Variants in CAPN2 observed in about 807,000 individuals in gnomAD.
CAPN2 encodes the protein calpain 2.
In CAPN2, 92 loss-of-function variants were observed where a neutral mutation model predicts 102.3. That is an observed-to-expected ratio of 0.90 (90% CI 0.76 to 1.07). CAPN2 has a LOEUF of 1.07. Ranked by LOEUF, CAPN2 falls within the 50% of genes least tolerant of loss-of-function variation. CAPN2 has a pLI of 0.00. For synonymous variants in CAPN2, 340 were observed against 355.4 expected (o/e 0.96, Z 0.49); for missense variants, 800 against 909.4 (o/e 0.88, Z 1.55).
At position 223,759,104 on chromosome 1, in the gene CAPN2, G is replaced by T; in HGVS notation, c.1318-166G>T. 1.5e-6 allele frequency: 1 copy of T among 662,192 alleles called. No individual in the cohort carries two copies. Among genetic ancestry groups the T allele is most frequent in the Non-Finnish European group, 2.7e-6 (1 of 365,946 alleles). The allele number at this position is 662,192 out of a possible 1,614,324, so 41.0% of individuals were successfully genotyped here. On this transcript the variant is annotated intron_variant, in intron 11 of 20. Coordinates refer to ENST00000295006, the MANE Select transcript of CAPN2 (RefSeq NM_001748.5). This position sits in a 1 kb window ranked among gnomAD's most constrained non-coding sequence, Gnocchi z 4.6. ...GTCGTTATATAGATGAGGGCTTCCT[G>T]TGTTGCCCAGGCTGGTTTCTGACGC...
chr1:223,710,816 C>T (rs1437407551), upstream of CAPN2, among the ~76,000 whole-genome samples: 3 of 147,734 alleles, frequency 2.0e-5, 1 homozygote, highest in Non-Finnish European at 4.5e-5. Flanking sequence ...CCCCACTACC[C>T]ACCCACCACC....
At chr1:223,767,286 CCACT>C (rs961540005) in intron 16 of CAPN2, among the ~76,000 whole-genome samples, 19 of 151,456 alleles carry the variant, frequency 1.3e-4, no homozygotes, top group African/African-American at 4.6e-4. Context: ...TGCTTTGCAC[CCACT>C]AACTCGTCAT....
rs1661116423 is a variant in CAPN2 at position 223,759,054 on chromosome 1, A to ATTTTGTTG, written c.1318-205_1318-198dup. 3.4e-6 allele frequency: 2 copies of ATTTTGTTG among 581,870 alleles called. No homozygotes were observed. The highest frequency in any genetic ancestry group is 3.0e-5 in the Admixed American group (1 of 33,336). The allele number at this position is 581,870 out of a possible 1,614,324, so 36.0% of individuals were successfully genotyped here. A position where few individuals can be genotyped will look rare whatever the true frequency, so the allele number is the denominator to read the frequency against. ...ACTGTACTGCTATTTTTTTAAAAAA[A>ATTTTGTTG]TTTTGTTGTTTTGTTGTTGTTGTCG... On this transcript the variant is annotated intron_variant, in intron 11 of 20. Coordinates refer to ENST00000295006, the MANE Select transcript of CAPN2 (RefSeq NM_001748.5). This position sits in a 1 kb window ranked among gnomAD's most constrained non-coding sequence, Gnocchi z 4.6.
At chr1:223,704,064 G>A (rs1659546952) in intron 1 of CAPN2, among the ~76,000 whole-genome samples, 1 of 152,140 alleles carries the variant, frequency 6.6e-6, no homozygotes, top group African/African-American at 2.4e-5. Flanking sequence ...GCCAGGGCAG[G>A]CAGATCACTT....
chr1:223,751,024 G>A (rs1288730275), intron 7 of CAPN2, 49 bp downstream of exon 7: 1 of 1,393,478 alleles, frequency 7.2e-7, no homozygotes, highest in Non-Finnish European at 1.0e-6. Flanking sequence ...GCATTGTGCT[G>A]GGAGGCTCTG....
At position 223,741,699 on chromosome 1, in the gene CAPN2, C is replaced by T. The variant is rs111342225; in HGVS notation, c.308-2401C>T. Among the ~76,000 whole-genome samples, 67 of 152,198 alleles carry T rather than the reference C, an allele frequency of 4.4e-4. 3 individuals carry two copies. Among genetic ancestry groups the T allele is most frequent in the African/African-American group, 1.4e-3 (59 of 41,516 alleles). ...CAAACTCCTGACCTCAGGCTATCTG[C>T]CCGCCTTGGCCTCCCAAAGTGCTGG... On this transcript the variant is annotated intron_variant, in intron 2 of 20. Transcript: ENST00000295006.
intron 11 of CAPN2, chr1:223,758,384 C>T (rs1383401216): frequency 2.6e-5 from 4 of 152,204 alleles, no homozygotes; most frequent in Admixed American, 6.5e-5. Flanking sequence ...GGTAGCACAT[C>T]GGGCTCTTTT....
intron 2 of CAPN2, among the ~76,000 whole-genome samples, chr1:223,733,906 C>T (rs1455166761): frequency 6.6e-6 from 1 of 152,208 alleles, no homozygotes; most frequent in Admixed American, 6.5e-5. Context: ...TAGGCACAAA[C>T]GTGGTAAACG....
intron 9 of CAPN2, among the ~76,000 whole-genome samples, chr1:223,753,321 G>A (rs951747715): frequency 6.6e-6 from 1 of 152,182 alleles, no homozygotes; most frequent in South Asian, 2.1e-4. Flanking sequence ...GCTGCTCTAT[G>A]CACCCCACAC....
At chr1:223,761,704 T>G (rs1661190145) in intron 13 of CAPN2, 87 bp downstream of exon 13, 1 of 1,105,392 alleles carries the variant, frequency 9.0e-7, no homozygotes, top group South Asian at 1.4e-5. Flanking sequence ...GTTTTTGGAC[T>G]TCACGAACAA....
At chr1:223,763,280 C>T (rs1041800892) in intron 14 of CAPN2, among the ~76,000 whole-genome samples, 26 of 152,204 alleles carry the variant, frequency 1.7e-4, no homozygotes, top group Admixed American at 5.9e-4. Context: ...GTACTCCCTT[C>T]GCTGACCTAA....
intron 2 of CAPN2, among the ~76,000 whole-genome samples, chr1:223,741,436 A>G (rs938883433): frequency 1.6e-5 from 2 of 124,278 alleles, no homozygotes; most frequent in Non-Finnish European, 1.5e-5. Flanking sequence ...TATATATATA[A>G]TGTGTATATA....
rs1553255258 is a variant in CAPN2 at position 223,753,122 on chromosome 1, C to CTTTTCTCAA, written c.1135+167_1135+168insTTTCTCAAT. ...TTTCTCCCTGAGCCTTTTCTTTTCCCTGAGCCTTTTCTCCCCGAGCTCTCT... is the reference window on the plus strand; with the variant it reads ...TTTCTCCCTGAGCCTTTTCTTTTCCCTTTTCTCAATGAGCCTTTTCTCCCCGAGCTCTCT... On this transcript the variant is annotated intron_variant, in intron 9 of 20. Transcript: ENST00000295006. 4.9e-3 allele frequency among the ~76,000 whole-genome samples: 746 copies of CTTTTCTCAA among 150,782 alleles called. 9 individuals carry two copies. Among genetic ancestry groups the CTTTTCTCAA allele is most frequent in the African/African-American group, 0.018 (710 of 40,196 alleles).
chr1:223,743,582 C>G (rs1660678192), intron 2 of CAPN2, among the ~76,000 whole-genome samples: 1 of 152,188 alleles, frequency 6.6e-6, no homozygotes, highest in African/African-American at 2.4e-5. Context: ...GCCTTGAAAT[C>G]CTGGGCTCAA....
intron 2 of CAPN2, among the ~76,000 whole-genome samples, chr1:223,741,910 G>A (rs1666627734): frequency 6.6e-6 from 1 of 152,100 alleles, no homozygotes; most frequent in Non-Finnish European, 1.5e-5. Flanking sequence ...CCAAGTAGCT[G>A]GGATTGCAGG....
In CAPN2 at chr1:223,770,437, T is replaced by G. The variant is rs376705631; in HGVS notation, c.1825-10T>G. 1.2e-6 allele frequency: 2 copies of G among 1,607,926 alleles called. No individual in the cohort carries two copies. The highest frequency in any genetic ancestry group is 2.7e-5 in the African/African-American group (2 of 74,818). ...GGTCATAGTTCTTACAGCTAACTTA[T>G]GTGTTCCAGAAAATTTACCGAGAAA... On this transcript the variant is annotated splice_polypyrimidine_tract_variant and intron_variant, in intron 17 of 20. Coordinates refer to ENST00000295006, the MANE Select transcript of CAPN2 (RefSeq NM_001748.5).
In CAPN2 at chr1:223,756,857, T is replaced by C. The variant is rs1661048232; in HGVS notation, c.1306-512T>C. On this transcript the variant is annotated intron_variant, in intron 10 of 20. Coordinates refer to ENST00000295006, the MANE Select transcript of CAPN2 (RefSeq NM_001748.5). This position sits in a 1 kb window ranked among gnomAD's most constrained non-coding sequence, Gnocchi z 4.1. ...TCCCACCGGCTTATGGGCTTGGAAA[T>C]GCAGCCACGGGCTTTCAGAGTTGGG... 6.6e-6 allele frequency among the ~76,000 whole-genome samples: 1 copy of C among 152,182 alleles called. No individual in the cohort carries two copies. Among genetic ancestry groups the C allele is most frequent in the South Asian group, 2.1e-4 (1 of 4,834 alleles).
chr1:223,747,249 C>A, intron 5 of CAPN2, 84 bp downstream of exon 5: 1 of 1,366,884 alleles, frequency 7.3e-7, no homozygotes, highest in Non-Finnish European at 1.0e-6. Flanking sequence ...GAACCCACTG[C>A]TCCTGTGTAC....
Position 223,744,160 on chromosome 1 carries a change from G to C in CAPN2, c.368G>C (p.Arg123Pro). Residue 123 changes from arginine to proline, a missense_variant, in exon 3 of 21, where the codon CGA becomes CCA. Transcript: ENST00000295006. ...SLTLNEEILA[R>P]VVPLNQSFQE... The stretch of plus-strand genomic sequence containing the variant: ...ACCTTGAATGAAGAAATCCTGGCTC[G>C]AGTCGTCCCCCTAAACCAGAGCTTC... 6.2e-7 allele frequency: 1 copy of C among 1,614,166 alleles called. No homozygotes were observed. The highest frequency in any genetic ancestry group is 1.1e-5 in the South Asian group (1 of 91,080).
Sources: allele counts gnomAD v4.1 joint callset (sites outside exome capture counted in the v4.1 genomes callset), GRCh38; gene constraint gnomAD v4.1.1; non-coding constraint Gnocchi (gnomAD v3.1); transcripts MANE v1.5; gene names NCBI Gene and HGNC (gene_info 2026-07-23, HGNC 2026-07-21).